BAAT: variants seen among roughly 807,000 people sequenced by gnomAD.
The protein encoded by BAAT is bile acid-CoA:amino acid N-acyltransferase.
BAAT carries 13 observed loss-of-function variants against 18.9 expected under a neutral mutation model. That is an observed-to-expected ratio of 0.69 (90% CI 0.45 to 1.10). BAAT has a LOEUF of 1.10. Among genes scored for constraint, BAAT ranks in the 50% least tolerant of loss-of-function variants. The pLI, the probability that BAAT is intolerant of heterozygous loss-of-function variation, is 0.00. For synonymous variants in BAAT, 170 were observed against 190.7 expected, an observed-to-expected ratio of 0.89 and a Z score of 0.89; for missense variants, 489 against 504.0, an observed-to-expected ratio of 0.97 and a Z score of 0.28.
At position 101,373,824 on chromosome 9, in the gene BAAT, G is replaced by A. The variant is rs116101263; in HGVS notation, c.-59-2361C>T. On this transcript the variant is annotated intron_variant, in intron 1 of 3. Transcript: ENST00000259407. ...CCCATCAAAGGTCTCGGGGGTAGGGGCGAAGCCCTTTTCTCCCCATCAATA... is the reference window on the plus strand; with the variant it reads ...CCCATCAAAGGTCTCGGGGGTAGGGACGAAGCCCTTTTCTCCCCATCAATA... Among the ~76,000 whole-genome samples, 341 of 152,236 alleles carry A rather than the reference G, an allele frequency of 2.2e-3. 3 individuals carry two copies. The highest frequency in any genetic ancestry group is 8.0e-3 in the African/African-American group (332 of 41,530).
At chr9:101,376,993 T>C (rs1421172798) in intron 1 of BAAT, among the ~76,000 whole-genome samples, 2 of 152,174 alleles carry the variant, frequency 1.3e-5, no homozygotes, top group East Asian at 3.8e-4. Flanking sequence ...TATATTCCTT[T>C]GGATAGAGAA....
chr9:101,368,187 C>G lies in BAAT; in HGVS notation c.602G>C (p.Arg201Pro), dbSNP rs41281027. The change falls in exon 3 of 4, where the codon CGC becomes CCC. Residue 201 changes from arginine (R) to proline (P), a missense_variant. Coordinates refer to ENST00000259407, the MANE Select transcript of BAAT (RefSeq NM_001701.4). ...TTCCAAATCTGTTACTTCTGGTTTG[C>G]GGGGCAGGTCTTCATAGTTATGGTA... is the stretch of plus-strand genomic sequence containing the variant. ...LAYHNYEDLPRKPEVTDLEYF... is the reference protein window; with the variant it reads ...LAYHNYEDLPPKPEVTDLEYF... 0.15 allele frequency: 244,826 copies of G among 1,584,312 alleles called. 19,486 individuals carry two copies. Among genetic ancestry groups the G allele is most frequent in the African/African-American group, 0.22 (15,889 of 73,864 alleles).
At chr9:101,373,666 G>A (rs566580468) in intron 1 of BAAT, among the ~76,000 whole-genome samples, 9 of 152,320 alleles carry the variant, frequency 5.9e-5, no homozygotes, top group South Asian at 2.1e-4. Flanking sequence ...AAACTAAAAC[G>A]TCAAGCTTCA....
intron 1 of BAAT, among the ~76,000 whole-genome samples, chr9:101,372,114 C>T (rs538280056): frequency 1.3e-5 from 2 of 151,900 alleles, no homozygotes; most frequent in Admixed American, 6.6e-5. Flanking sequence ...TGGGTACACA[C>T]GGACATTGGG....
rs1379471683 is a variant in BAAT at position 101,363,031 on chromosome 9, G to C, written c.670-16C>G. Reference sequence around the variant, plus strand: ...AGCCAAAGACCTGAAAAAAATAATAGAAATGAGAAATTATTCTAGCCTTCA... The same window carrying C: ...AGCCAAAGACCTGAAAAAAATAATACAAATGAGAAATTATTCTAGCCTTCA... On this transcript the variant is annotated splice_polypyrimidine_tract_variant and intron_variant, in intron 3 of 3. Transcript: ENST00000259407. The C allele has an allele frequency of 1.9e-6, 3 of 1,603,170 alleles. No individual in the cohort carries two copies.
chr9:101,370,111 C>T (rs1007954487), intron 2 of BAAT, among the ~76,000 whole-genome samples: 1 of 152,080 alleles, frequency 6.6e-6, no homozygotes, highest in African/African-American at 2.4e-5. Context: ...TAAACTGAAA[C>T]TCAACCTGAC....
Position 101,371,021 on chromosome 9 carries a change from C to CA in BAAT, c.383dup (p.Leu128PhefsTer14). 1 of 1,614,132 alleles carries CA rather than the reference C, an allele frequency of 6.2e-7. No individual in the cohort carries two copies. ...CACCAGGTGCCACATACCACCTCTC[C>CA]AAAGTCAGGCTGGCCTTTGGAGCAC... On this transcript the variant is annotated frameshift_variant, in exon 2 of 4. Transcript: ENST00000259407. LOFTEE classifies it high-confidence loss of function.
At chr9:101,367,115 AG>A (rs764118755) in intron 3 of BAAT, among the ~76,000 whole-genome samples, 8,034 of 109,924 alleles carry the variant, frequency 0.073, 327 homozygotes, top group South Asian at 0.13. Context: ...TGTCAAAAAA[AG>A]AAAAAAAAAA....
At chr9:101,372,807 G>GA (rs1564057037) in intron 1 of BAAT, among the ~76,000 whole-genome samples, 2 of 151,968 alleles carry the variant, frequency 1.3e-5, no homozygotes, top group African/African-American at 4.8e-5. Context: ...AAACCCAACA[G>GA]AAAAAAATAA....
At chr9:101,365,674 C>T (rs1248446943) in intron 3 of BAAT, among the ~76,000 whole-genome samples, 1 of 151,996 alleles carries the variant, frequency 6.6e-6, no homozygotes, top group Non-Finnish European at 1.5e-5. Context: ...GCTGGAACTA[C>T]AGGCGCCCGC....
intron 1 of BAAT, among the ~76,000 whole-genome samples, chr9:101,372,485 TTTTTGTAACC>T (rs1829970088): frequency 6.6e-6 from 1 of 152,128 alleles, no homozygotes; most frequent in African/African-American, 2.4e-5. Context: ...CTTGCTGAGC[TTTTTGTAACC>T]TTTTAAAAAT....
rs543108577 is a variant in BAAT, at chr9:101,362,567, C to T, written c.1118G>A (p.Cys373Tyr). The T allele has an allele frequency of 1.9e-5, 30 of 1,613,980 alleles. No homozygotes were observed. Among genetic ancestry groups the T allele is most frequent in the Non-Finnish European group, 2.4e-5 (28 of 1,180,046 alleles). ...CCTCAAATCGTGGGTCGTTGAGGCA[C>T]AGCACAGAGGAGAATAGGGAGGTTC... ...LIEPPYSPLC[C>Y]ASTTHDLRLH... Residue 373 changes from cysteine (C) to tyrosine (Y), a missense_variant, in exon 4 of 4, where the codon TGT becomes TAT. Transcript: ENST00000259407.
Position 101,362,988 on chromosome 9 carries a change from A to T in BAAT, c.697T>A (p.Ser233Thr), listed in dbSNP as rs554810939. The change falls in exon 4 of 4, where the codon TCT becomes ACT. Residue 233 changes from serine to threonine, a missense_variant. Coordinates refer to ENST00000259407, the MANE Select transcript of BAAT (RefSeq NM_001701.4). ...KVFGSGVGVV[S>T]VCQGVQIGLS... ...CCAATCTGTACTCCTTGACATACAG[A>T]GACTACCCCAACGCCTGAGCCAAAG... is the stretch of plus-strand genomic sequence containing the variant. The T allele has an allele frequency of 1.2e-6, 2 of 1,614,074 alleles. No homozygotes were observed. The highest frequency in any genetic ancestry group is 1.7e-6 in the Non-Finnish European group (2 of 1,180,006).
At chr9:101,363,957 TA>T (rs1273059032) in intron 3 of BAAT, among the ~76,000 whole-genome samples, 1 of 152,072 alleles carries the variant, frequency 6.6e-6, no homozygotes, top group African/African-American at 2.4e-5. Flanking sequence ...TTTAGTGAGC[TA>T]TGATTGTGCT....
intron 1 of BAAT, among the ~76,000 whole-genome samples, 108 bp downstream of exon 1, chr9:101,384,747 T>C (rs1830177658): frequency 6.6e-6 from 1 of 152,190 alleles, no homozygotes; most frequent in South Asian, 2.1e-4. Flanking sequence ...GGCCACATTT[T>C]TGGAGTAAAT....
At position 101,362,854 on chromosome 9, in the gene BAAT, G is replaced by C; in HGVS notation, c.831C>G (p.Pro277=). ...ATATTAATTGTGCAGAATGGGGAAG[G>C]GGCTGATGGATCTGACCATGATATA... ...PQVYHGQIHQ[P]LPHSAQLIST... The change falls in exon 4 of 4, where the codon CCC becomes CCG. Residue 277 remains proline (P), a synonymous_variant. Coordinates refer to ENST00000259407, the MANE Select transcript of BAAT (RefSeq NM_001701.4). 2 of 1,614,058 alleles carry C rather than the reference G, an allele frequency of 1.2e-6. No individual in the cohort carries two copies. Among genetic ancestry groups the C allele is most frequent in the Non-Finnish European group, 1.7e-6 (2 of 1,180,020 alleles).
intron 1 of BAAT, among the ~76,000 whole-genome samples, chr9:101,382,297 T>C (rs1259179934): frequency 6.6e-6 from 1 of 151,788 alleles, no homozygotes; most frequent in Non-Finnish European, 1.5e-5. Flanking sequence ...ACATTAAGAG[T>C]CAAAATGGCA....
chr9:101,363,890 T>C (rs1461180609), intron 3 of BAAT, among the ~76,000 whole-genome samples: 1 of 152,178 alleles, frequency 6.6e-6, no homozygotes, highest in East Asian at 1.9e-4. Context: ...TGTGTGCCTG[T>C]AGGCCCAGCT....
At position 101,362,511 on chromosome 9, in the gene BAAT, C is replaced by G; in HGVS notation, c.1174G>C (p.Ala392Pro). The G allele has an allele frequency of 6.2e-7, 1 of 1,614,034 alleles. No homozygotes were observed. Among genetic ancestry groups the G allele is most frequent in the Non-Finnish European group, 8.5e-7 (1 of 1,180,016 alleles). Residue 392 changes from alanine (A) to proline (P), a missense_variant, in exon 4 of 4, where the codon GCA becomes CCA. Transcript: ENST00000259407. Reference protein sequence around the residue: ...LHWGGEVIPHAAAQEHAWKEI... With the variant: ...LHWGGEVIPHPAAQEHAWKEI... ...TTCCAAGCATGTTCCTGTGCAGCTG[C>G]GTGTGGGATCACCTCTCCTCCCCAG...
Sources: allele counts gnomAD v4.1 joint callset (sites outside exome capture counted in the v4.1 genomes callset), GRCh38; gene constraint gnomAD v4.1.1; transcripts MANE v1.5; gene names NCBI Gene and HGNC (gene_info 2026-07-23, HGNC 2026-07-21).